The following P2RX1 variants were observed in gnomAD, a reference collection of about 807,000 sequenced individuals.
P2RX1 encodes the protein P2X purinoceptor 1.
P2RX1 carries 42 observed loss-of-function variants against 50.3 expected under a neutral mutation model. That is an observed-to-expected ratio of 0.83 (90% CI 0.65 to 1.08). The LOEUF (loss-of-function observed/expected upper bound fraction) is 1.08. Among genes scored for constraint, P2RX1 ranks in the 50% least tolerant of loss-of-function variants. The pLI, the probability that P2RX1 is intolerant of heterozygous loss-of-function variation, is 0.00. For synonymous variants in P2RX1, 199 were observed against 202.6 expected (o/e 0.98, Z 0.15); for missense variants, 449 against 529.0 (o/e 0.85, Z 1.48).
chr17:3,903,313 G>A lies in P2RX1; in HGVS notation c.636C>T (p.Ala212=). ...TGTGAAAGAGGCAGGTCTTCATGTG[G>A]GCAGCATTCACCTCCTCCACCAGGT... The part of the protein sequence containing the change: ...RRNLVEEVNA[A]HMKTCLFHKT... The change falls in exon 7 of 12, where the codon GCC becomes GCT. Residue 212 remains alanine, a synonymous_variant. Coordinates refer to ENST00000225538, the MANE Select transcript of P2RX1 (RefSeq NM_002558.4). The surrounding 1 kb of genome is among the most constrained non-coding windows in gnomAD (Gnocchi z 4.6). 2 of 1,614,184 alleles carry A rather than the reference G, an allele frequency of 1.2e-6. No homozygotes were observed. The highest frequency in any genetic ancestry group is 1.7e-6 in the Non-Finnish European group (2 of 1,180,036).
At chr17:3,901,604 A>C (rs1417728297) in intron 7 of P2RX1, among the ~76,000 whole-genome samples, 1 of 152,240 alleles carries the variant, frequency 6.6e-6, no homozygotes, top group African/African-American at 2.4e-5. Flanking sequence ...CCCTTGAAAA[A>C]AAAGTTTGCT....
chr17:3,915,465 C>T (rs2144093815), intron 1 of P2RX1: 1 of 456,590 alleles, frequency 2.2e-6, no homozygotes, highest in African/African-American at 2.0e-5. Context: ...GCCTCTGATT[C>T]TGCACTCCCA....
chr17:3,915,230 C>T (rs1350128430), intron 1 of P2RX1: 2 of 355,472 alleles, frequency 5.6e-6, no homozygotes, highest in African/African-American at 4.3e-5. Context: ...AGATGCACCA[C>T]ACACAGGGGA....
intron 1 of P2RX1, 49 bp downstream of exon 1, chr17:3,916,040 A>G (rs1567661224): frequency 6.2e-7 from 1 of 1,609,190 alleles, no homozygotes; most frequent in South Asian, 1.1e-5. Context: ...TCTGGAGGAC[A>G]GGCCCGGGGT....
rs1240332753 is a variant in P2RX1 at position 3,906,155 on chromosome 17, G to A, written c.138-788C>T. The stretch of plus-strand genomic sequence containing the variant: ...ACGGTACTTCTTTTTTTTTTGAGAC[G>A]GAGTCTCGCTTTGTCACCCAGACTG... On this transcript the variant is annotated intron_variant, in intron 1 of 11. Coordinates refer to ENST00000225538, the MANE Select transcript of P2RX1 (RefSeq NM_002558.4). 2.6e-5 allele frequency among the ~76,000 whole-genome samples: 4 copies of A among 151,464 alleles called. No homozygotes were observed. In the South Asian group the frequency reaches 6.2e-4, roughly 24 times the overall value.
chr17:3,915,884 C>A, intron 1 of P2RX1: 1 of 713,638 alleles, frequency 1.4e-6, no homozygotes, highest in Non-Finnish European at 2.5e-6. Context: ...CGAAGGCCCC[C>A]GGGCAGGGCT....
intron 8 of P2RX1, 56 bp from the exon 9 acceptor site, chr17:3,899,080 G>A: frequency 1.6e-6 from 2 of 1,245,886 alleles, no homozygotes; most frequent in Non-Finnish European, 2.4e-6. Flanking sequence ...CTTGGGTCTG[G>A]AGTTCTTAGC....
chr17:3,902,178 T>C (rs2056160461), intron 7 of P2RX1, among the ~76,000 whole-genome samples: 2 of 152,204 alleles, frequency 1.3e-5, no homozygotes, highest in Non-Finnish European at 2.9e-5. Flanking sequence ...GCTAGACTAG[T>C]GCAGTGGTGC....
rs1201347315 is a variant in P2RX1, at chr17:3,903,311, T to C, written c.638A>G (p.His213Arg). Residue 213 changes from histidine (H) to arginine (R), a missense_variant, in exon 7 of 12, where the codon CAC (histidine) becomes CGC (arginine). Physicochemically the swap from His to Arg is conservative, Grantham distance 29. Coordinates refer to ENST00000225538, the MANE Select transcript of P2RX1 (RefSeq NM_002558.4). The surrounding 1 kb of genome is among the most constrained non-coding windows in gnomAD (Gnocchi z 4.6). ...RNLVEEVNAA[H>R]MKTCLFHKTL... Reference sequence around the variant, plus strand: ...CTTGTGAAAGAGGCAGGTCTTCATGTGGGCAGCATTCACCTCCTCCACCAG... The same window carrying C: ...CTTGTGAAAGAGGCAGGTCTTCATGCGGGCAGCATTCACCTCCTCCACCAG... 2 of 1,614,032 alleles carry C rather than the reference T, an allele frequency of 1.2e-6. No homozygotes were observed. The highest frequency in any genetic ancestry group is 2.7e-5 in the African/African-American group (2 of 74,920).
In P2RX1 at chr17:3,914,112, C is replaced by T. The variant is rs2056410300; in HGVS notation, c.137+1977G>A. Among the ~76,000 whole-genome samples, 1 of 152,166 alleles carries T rather than the reference C, an allele frequency of 6.6e-6. No individual in the cohort carries two copies. Among genetic ancestry groups the T allele is most frequent in the South Asian group, 2.1e-4 (1 of 4,828 alleles). ...GCTGGTGATGACGGACTCTGCCTTCCTTCCACCCTCTGCTGTGTGACGTGG... is the reference window on the plus strand; with the variant it reads ...GCTGGTGATGACGGACTCTGCCTTCTTTCCACCCTCTGCTGTGTGACGTGG... On this transcript the variant is annotated intron_variant, in intron 1 of 11. Coordinates refer to ENST00000225538, the MANE Select transcript of P2RX1 (RefSeq NM_002558.4). This position sits in a 1 kb window ranked among gnomAD's most constrained non-coding sequence, Gnocchi z 4.1.
rs113300873 is a variant in P2RX1, at chr17:3,910,745, C to G, written c.137+5344G>C. The stretch of plus-strand genomic sequence containing the variant: ...CTCCAGGCCTGGGAGGGAATGTGCT[C>G]AGAACTGGGGCCCACCCTGAGGCCC... On this transcript the variant is annotated intron_variant, in intron 1 of 11. Coordinates refer to ENST00000225538, the MANE Select transcript of P2RX1 (RefSeq NM_002558.4). 4.5e-3 allele frequency among the ~76,000 whole-genome samples: 686 copies of G among 152,306 alleles called. 5 individuals are homozygous for G. Among genetic ancestry groups the G allele is most frequent in the African/African-American group, 0.016 (657 of 41,552 alleles).
At chr17:3,904,976 A>G in intron 2 of P2RX1, 47 bp from the exon 3 acceptor site, 1 of 1,286,932 alleles carries the variant, frequency 7.8e-7, no homozygotes, top group Non-Finnish European at 1.1e-6. Flanking sequence ...GGGAGCTGGG[A>G]GAAGAGCCCC....
rs2052409535 is a variant in P2RX1, at chr17:3,916,291, G to A, written c.-66C>T. On this transcript the variant is annotated 5_prime_UTR_variant, in exon 1 of 12. Transcript: ENST00000225538. ...CCTCTGCTCTCAGGGTGAGCCGGGT[G>A]CCACCACCCACGTCGATGGTAGAGC... 3.2e-6 allele frequency: 5 copies of A among 1,560,666 alleles called. No homozygotes were observed. The South Asian group carries it at 3.4e-5, about 11-fold the overall frequency.
At chr17:3,907,511 C>G (rs1048343740) in intron 1 of P2RX1, among the ~76,000 whole-genome samples, 1 of 152,102 alleles carries the variant, frequency 6.6e-6, no homozygotes, top group African/African-American at 2.4e-5. Flanking sequence ...ACTCTCCAGG[C>G]CTCTTAGTCC....
chr17:3,910,224 C>T (rs886549928), intron 1 of P2RX1, among the ~76,000 whole-genome samples: 5 of 152,186 alleles, frequency 3.3e-5, no homozygotes, highest in Non-Finnish European at 5.9e-5. Context: ...ATCCACCCAC[C>T]TCTGCCTCCC....
rs1047430 is a variant in P2RX1 at position 3,897,563 on chromosome 17, G to C, written c.*251C>G. 1.7e-6 allele frequency: 1 copy of C among 585,090 alleles called. No individual in the cohort carries two copies. Among genetic ancestry groups the C allele is most frequent in the South Asian group, 1.9e-5 (1 of 51,384 alleles). 36.2% of individuals were successfully genotyped at this position (585,090 alleles called of 1,614,324 possible). On this transcript the variant is annotated 3_prime_UTR_variant, in exon 12 of 12. Coordinates refer to ENST00000225538, the MANE Select transcript of P2RX1 (RefSeq NM_002558.4). ...CAGGTGTGTGGGAGGGTCCTGCCCA[G>C]CCCCAGCCATTCCCCACCAGGAGCG...
rs146491210 is a variant in P2RX1 at position 3,899,681 on chromosome 17, G to A, written c.828C>T (p.Phe276=). 1,231 of 1,613,968 alleles carry A rather than the reference G, an allele frequency of 7.6e-4. 10 individuals carry two copies. Among genetic ancestry groups the A allele is most frequent in the South Asian group, 6.0e-3 (546 of 91,082 alleles). Residue 276 remains phenylalanine, a synonymous_variant, in exon 8 of 12, where the codon TTC becomes TTT. Coordinates refer to ENST00000225538, the MANE Select transcript of P2RX1 (RefSeq NM_002558.4). ...HVRHCRPIYE[F]HGLYEEKNLS... is the part of the protein sequence containing the mutation. ...GATTTTTCTCTTCGTACAGCCCATG[G>A]AACTCATAGATGGGTCTGCAGTGCC... is the stretch of plus-strand genomic sequence containing the variant.
At chr17:3,900,269 G>T (rs1429775803) in intron 7 of P2RX1, among the ~76,000 whole-genome samples, 1 of 151,862 alleles carries the variant, frequency 6.6e-6, no homozygotes, top group African/African-American at 2.4e-5. Flanking sequence ...CCAGACCAAC[G>T]CAATGAAACC....
rs2056048807 is a variant in P2RX1, at chr17:3,897,387, G to T, written c.*427C>A. On this transcript the variant is annotated 3_prime_UTR_variant, in exon 12 of 12. Transcript: ENST00000225538. Reference sequence around the variant, plus strand: ...TTGAAATGTGGCTAGTTCAGCCGAGGAATTGAATTTTGTGTTTCATTCTAT... The same window carrying T: ...TTGAAATGTGGCTAGTTCAGCCGAGTAATTGAATTTTGTGTTTCATTCTAT... 1 of 274,026 alleles carries T rather than the reference G, an allele frequency of 3.6e-6. No individual in the cohort carries two copies. Among genetic ancestry groups the T allele is most frequent in the Non-Finnish European group, 7.3e-6 (1 of 136,914 alleles). The allele number at this position is 274,026 out of a possible 1,614,324, so 17.0% of individuals were successfully genotyped here. A position where few individuals can be genotyped will look rare whatever the true frequency, so the allele number is the denominator to read the frequency against.
Sources: gnomAD v4.1 joint callset for allele counts (sites outside exome capture counted in the v4.1 genomes callset) on GRCh38, gnomAD v4.1.1 for gene constraint, Gnocchi (gnomAD v3.1) non-coding constraint, MANE v1.5 for transcripts, NCBI Gene and HGNC (gene_info 2026-07-23, HGNC 2026-07-21) for gene names.